Variants in IL12RB2 observed in about 807,000 individuals in gnomAD.
IL12RB2 encodes the protein interleukin-12 receptor subunit beta-2.
A neutral mutation model predicts 89.4 loss-of-function variants in IL12RB2; 82 were observed. That is an observed-to-expected ratio of 0.92 (90% CI 0.77 to 1.10). The LOEUF (loss-of-function observed/expected upper bound fraction) is 1.10, where lower values mean the gene tolerates loss of function less well. Ranked by LOEUF, IL12RB2 falls within the 50% of genes least tolerant of loss-of-function variation. The probability of loss-of-function intolerance (pLI) is 0.00; values close to 1 mark genes in which losing one functional copy is unlikely to be tolerated. For missense variants in IL12RB2, 963 were observed against 1,031.9 expected (o/e 0.93, Z 0.92); for synonymous variants, 368 against 370.1 (o/e 0.99, Z 0.07).
At chr1:67,380,183 C>G in intron 14 of IL12RB2, 60 bp downstream of exon 14, 1 of 1,539,778 alleles carries the variant, frequency 6.5e-7, no homozygotes, top group Non-Finnish European at 9.0e-7. Flanking sequence ...GCATGCACTC[C>G]TATTACATTT....
At chr1:67,321,923 T>C in intron 4 of IL12RB2, 34 bp downstream of exon 4, 1 of 1,578,000 alleles carries the variant, frequency 6.3e-7, no homozygotes, top group Non-Finnish European at 8.7e-7. Context: ...TAAAACTTGG[T>C]GATCTTTTGG....
At chr1:67,310,352 GGACTTA>G (rs1416717596) in intron 1 of IL12RB2, among the ~76,000 whole-genome samples, 1 of 152,074 alleles carries the variant, frequency 6.6e-6, no homozygotes, top group African/African-American at 2.4e-5. Flanking sequence ...TGCATTTGCT[GGACTTA>G]GACTTAGTGA....
chr1:67,358,049 AT>A (rs56731903), intron 10 of IL12RB2, among the ~76,000 whole-genome samples: 15,820 of 150,798 alleles, frequency 0.1, 925 homozygotes, highest in Admixed American at 0.13. Flanking sequence ...ACTCAACATA[AT>A]TTTTTTTTTC....
chr1:67,342,377 T>G (rs1163373029), intron 9 of IL12RB2, among the ~76,000 whole-genome samples: 1 of 152,174 alleles, frequency 6.6e-6, no homozygotes, highest in Non-Finnish European at 1.5e-5. Flanking sequence ...ACTTTTCTCT[T>G]GCATATGGGG....
At chr1:67,388,713 A>G (rs1297917671) in intron 15 of IL12RB2, among the ~76,000 whole-genome samples, 1 of 150,114 alleles carries the variant, frequency 6.7e-6, no homozygotes, top group Non-Finnish European at 1.5e-5. Flanking sequence ...TTCTTGTTTA[A>G]TTATATTTTT....
intron 4 of IL12RB2, among the ~76,000 whole-genome samples, chr1:67,326,006 C>T (rs1657232902): frequency 6.6e-6 from 1 of 152,182 alleles, no homozygotes; most frequent in Non-Finnish European, 1.5e-5. Context: ...ATTTCCACAT[C>T]TAGCACTGTG....
At chr1:67,360,192 A>T (rs1192501443) in intron 10 of IL12RB2, among the ~76,000 whole-genome samples, 1 of 152,102 alleles carries the variant, frequency 6.6e-6, no homozygotes, top group Non-Finnish European at 1.5e-5. Context: ...ACTAGAGGTC[A>T]GGAGTTTGAA....
chr1:67,361,716 A>C (rs980147944), intron 10 of IL12RB2, among the ~76,000 whole-genome samples: 2 of 150,630 alleles, frequency 1.3e-5, no homozygotes, highest in African/African-American at 5.0e-5. Context: ...AGGTAAAAAA[A>C]AGAAAGGAAT....
At chr1:67,327,966 T>C (rs1050707609) in intron 5 of IL12RB2, among the ~76,000 whole-genome samples, 1 of 152,202 alleles carries the variant, frequency 6.6e-6, no homozygotes, top group Non-Finnish European at 1.5e-5. Flanking sequence ...CTTGGTTACC[T>C]ATCTACATGA....
Position 67,345,616 on chromosome 1 carries a change from G to A in IL12RB2, c.1039-5254G>A, listed in dbSNP as rs79519280. Among the ~76,000 whole-genome samples, 504 of 152,280 alleles carry A rather than the reference G, an allele frequency of 3.3e-3. 3 individuals are homozygous for A. Among genetic ancestry groups the A allele is most frequent in the African/African-American group, 0.012 (486 of 41,540 alleles). ...ATTTATATAATTATAGGAGCTATCC[G>A]ATCTCAGAATCAATATTTAAATACA... On this transcript the variant is annotated intron_variant, in intron 9 of 16. Transcript: ENST00000674203.
rs1251491513 is a variant in IL12RB2, at chr1:67,326,742, A to C, written c.372A>C (p.Pro124=). The stretch of plus-strand genomic sequence containing the variant: ...TGTCTTTTCTTTTTAAAGTTGCTCC[A>C]GAACAGCCTCAAAATTTATCCTGCA... The part of the protein sequence containing the change: ...CGAEIFVGVA[P]EQPQNLSCIQ... Residue 124 remains proline, a synonymous_variant, in exon 5 of 17, where the codon CCA becomes CCC. Coordinates refer to ENST00000674203, the MANE Select transcript of IL12RB2 (RefSeq NM_001374259.2). 5 of 1,613,084 alleles carry C rather than the reference A, an allele frequency of 3.1e-6. No individual in the cohort carries two copies. In the Admixed American group the frequency reaches 8.3e-5, roughly 27 times the overall value.
At chr1:67,328,908 A>T (rs1312964826) in intron 6 of IL12RB2, among the ~76,000 whole-genome samples, 1 of 152,252 alleles carries the variant, frequency 6.6e-6, no homozygotes, top group Non-Finnish European at 1.5e-5. Flanking sequence ...GAGCAAATGT[A>T]ATCGGTCCAG....
intron 7 of IL12RB2, among the ~76,000 whole-genome samples, 196 bp downstream of exon 7, chr1:67,329,925 T>G (rs906187252): frequency 6.6e-6 from 1 of 152,216 alleles, no homozygotes; most frequent in Non-Finnish European, 1.5e-5. Flanking sequence ...GATTCTGAAA[T>G]TTTTAAAGCT....
chr1:67,333,998 C>T (rs2100707039), intron 8 of IL12RB2, among the ~76,000 whole-genome samples: 1 of 152,276 alleles, frequency 6.6e-6, no homozygotes, highest in East Asian at 1.9e-4. Flanking sequence ...GGAATCGTTG[C>T]ATGTTCATTC....
intron 10 of IL12RB2, among the ~76,000 whole-genome samples, chr1:67,352,538 C>T (rs1266291468): frequency 6.6e-6 from 1 of 152,208 alleles, no homozygotes; most frequent in Non-Finnish European, 1.5e-5. Context: ...CACTTGCATT[C>T]ATCAGCCCAC....
chr1:67,341,441 A>G (rs1178867130), intron 9 of IL12RB2, among the ~76,000 whole-genome samples: 1 of 146,566 alleles, frequency 6.8e-6, no homozygotes, highest in Non-Finnish European at 1.5e-5. Flanking sequence ...GAAGGAAGGA[A>G]GGATGGAAGA....
intron 8 of IL12RB2, among the ~76,000 whole-genome samples, chr1:67,332,351 G>C (rs1047987481): frequency 2.0e-5 from 3 of 151,982 alleles, no homozygotes; most frequent in Admixed American, 6.6e-5. Flanking sequence ...AAGTAGCAGG[G>C]ATTACATGCA....
At chr1:67,319,301 A>G in intron 2 of IL12RB2, among the ~76,000 whole-genome samples, 1 of 152,236 alleles carries the variant, frequency 6.6e-6, no homozygotes. Flanking sequence ...AGAATTTGTT[A>G]CTGACCAGTA....
At chr1:67,380,197 A>C (rs1267019158) in intron 14 of IL12RB2, 74 bp downstream of exon 14, 4 of 1,476,526 alleles carry the variant, frequency 2.7e-6, no homozygotes, top group Non-Finnish European at 3.8e-6. Context: ...TACATTTGGT[A>C]TAGAGATAAT....
Sources: allele counts gnomAD v4.1 joint callset (sites outside exome capture counted in the v4.1 genomes callset), GRCh38; gene constraint gnomAD v4.1.1; transcripts MANE v1.5; gene names NCBI Gene and HGNC (gene_info 2026-07-23, HGNC 2026-07-21).